Variants in ENTREP2 observed in about 807,000 individuals in gnomAD.
ENTREP2 encodes the protein protein ENTREP2.
chr15:29,354,633 G>A, the ENTREP2 span, among the ~76,000 whole-genome samples: 1 of 151,994 alleles, frequency 6.6e-6, no homozygotes, highest in African/African-American at 2.4e-5. Context: ...TGAGTCTCAC[G>A]GTGATAAACA....
the ENTREP2 span, chr15:29,126,403 T>C: frequency 4.5e-6 from 7 of 1,548,696 alleles, no homozygotes; most frequent in Admixed American, 3.9e-5. Flanking sequence ...CGGAGGGTGC[T>C]GGGGCGCCCA....
the ENTREP2 span, among the ~76,000 whole-genome samples, chr15:29,367,692 T>C: frequency 1.3e-5 from 2 of 152,058 alleles, no homozygotes; most frequent in African/African-American, 4.8e-5. Context: ...ATGTGGAAGG[T>C]GTGCCCCAAG....
At chr15:29,269,751 C>T in the ENTREP2 span, 84 of 1,422,620 alleles carry the variant, frequency 5.9e-5, no homozygotes, top group Non-Finnish European at 7.2e-5. Context: ...GGCAAGCAGC[C>T]GCGGCGGGGA....
At chr15:29,524,327 A>G in the ENTREP2 span, among the ~76,000 whole-genome samples, 1 of 152,226 alleles carries the variant, frequency 6.6e-6, no homozygotes, top group Non-Finnish European at 1.5e-5. Flanking sequence ...AAGAAAGCAC[A>G]TCACAATCAC....
chr15:29,628,269 TC>T, the ENTREP2 span, among the ~76,000 whole-genome samples: 2 of 152,202 alleles, frequency 1.3e-5, no homozygotes, highest in Non-Finnish European at 2.9e-5. Context: ...TTTGTACAGC[TC>T]CTTTGGAGAA....
the ENTREP2 span, among the ~76,000 whole-genome samples, chr15:29,371,732 G>A: frequency 6.6e-6 from 1 of 152,052 alleles, no homozygotes; most frequent in Admixed American, 6.6e-5. Flanking sequence ...TGATCAAACA[G>A]TAGAATGGAT....
the ENTREP2 span, among the ~76,000 whole-genome samples, chr15:29,464,864 A>G: frequency 6.6e-6 from 1 of 152,142 alleles, no homozygotes; most frequent in Non-Finnish European, 1.5e-5. Context: ...TCGGGCCTGT[A>G]CCCTCAGAGA....
At chr15:29,240,251 A>C in the ENTREP2 span, among the ~76,000 whole-genome samples, 64,994 of 151,830 alleles carry the variant, frequency 0.43, 14,213 homozygotes, top group East Asian at 0.62. Context: ...GTAATCCCAG[A>C]TACTCAGGAG....
the ENTREP2 span, among the ~76,000 whole-genome samples, chr15:29,182,947 T>C: frequency 1.3e-5 from 2 of 152,134 alleles, no homozygotes; most frequent in African/African-American, 4.8e-5. Flanking sequence ...TAGATCCGTA[T>C]CTCACAACAC....
the ENTREP2 span, among the ~76,000 whole-genome samples, chr15:29,603,592 C>T: frequency 4.6e-5 from 7 of 151,814 alleles, no homozygotes; most frequent in African/African-American, 1.2e-4. Flanking sequence ...CAGCAAAGCC[C>T]CTCCAAAAAA....
the ENTREP2 span, among the ~76,000 whole-genome samples, chr15:29,643,161 G>C: frequency 6.6e-6 from 1 of 152,074 alleles, no homozygotes; most frequent in Non-Finnish European, 1.5e-5. Context: ...ACCAAAAGTA[G>C]ATAAATTGGA....
the ENTREP2 span, among the ~76,000 whole-genome samples, chr15:29,439,962 T>C: frequency 5.3e-5 from 8 of 152,272 alleles, no homozygotes; most frequent in African/African-American, 1.7e-4. Flanking sequence ...CTTACCTCTG[T>C]GGTGGTCTTC....
the ENTREP2 span, among the ~76,000 whole-genome samples, chr15:29,373,063 TA>T: frequency 2.0e-5 from 3 of 152,072 alleles, no homozygotes; most frequent in East Asian, 3.9e-4. Context: ...GTGTATATTT[TA>T]AAAAGACACT....
At chr15:29,355,604 C>G in the ENTREP2 span, among the ~76,000 whole-genome samples, 1 of 152,070 alleles carries the variant, frequency 6.6e-6, no homozygotes, top group Admixed American at 6.5e-5. Flanking sequence ...TCATTCTGTT[C>G]TCATTATGTA....
At chr15:29,192,538 CAG>C in the ENTREP2 span, among the ~76,000 whole-genome samples, 1 of 152,144 alleles carries the variant, frequency 6.6e-6, no homozygotes. Context: ...AAGGAAAAGA[CAG>C]AGTCTCCAAG....
At chr15:29,515,969 T>C in the ENTREP2 span, among the ~76,000 whole-genome samples, 1 of 152,164 alleles carries the variant, frequency 6.6e-6, no homozygotes, top group Non-Finnish European at 1.5e-5. Flanking sequence ...GAATTTATAA[T>C]ACAGGTCATC....
chr15:29,269,596 C>CGTT, the ENTREP2 span: 1 of 1,553,948 alleles, frequency 6.4e-7, no homozygotes, highest in East Asian at 2.6e-5. Context: ...TCTGAGAACC[C>CGTT]GGGCGTCTTC....
At chr15:29,415,184 C>A in the ENTREP2 span, among the ~76,000 whole-genome samples, 1 of 152,066 alleles carries the variant, frequency 6.6e-6, no homozygotes, top group Non-Finnish European at 1.5e-5. Flanking sequence ...CAAAGTCTGG[C>A]AGAGACACAA....
At chr15:29,280,432 A>G in the ENTREP2 span, among the ~76,000 whole-genome samples, 4 of 152,232 alleles carry the variant, frequency 2.6e-5, no homozygotes, top group South Asian at 8.3e-4. Context: ...CATTCCAGGA[A>G]ATAAACAAGC....
Sources: gnomAD v4.1 joint callset for allele counts (sites outside exome capture counted in the v4.1 genomes callset) on GRCh38, gnomAD v4.1.1 for gene constraint, MANE v1.5 for transcripts, NCBI Gene and HGNC (gene_info 2026-07-23, HGNC 2026-07-21) for gene names.